Variants in CEP85L observed in about 807,000 individuals in gnomAD.
The protein encoded by CEP85L is centrosomal protein of 85 kDa-like.
A neutral mutation model predicts 100.3 loss-of-function variants in CEP85L; 60 were observed. That is an observed-to-expected ratio of 0.60 (90% CI 0.49 to 0.74). The LOEUF (loss-of-function observed/expected upper bound fraction) is 0.74. Among genes scored for constraint, CEP85L ranks in the 30% least tolerant of loss-of-function variants. The pLI is 0.00. For missense variants in CEP85L, 973 were observed against 936.2 expected, an observed-to-expected ratio of 1.04 and a Z score of -0.51; for synonymous variants, 319 against 322.7, an observed-to-expected ratio of 0.99 and a Z score of 0.12.
intron 3 of CEP85L, among the ~76,000 whole-genome samples, chr6:118,542,030 GAA>G (rs1777923662): frequency 6.6e-6 from 1 of 151,934 alleles, no homozygotes. Flanking sequence ...AGAACCAAGA[GAA>G]AAAAGAGAAT....
At chr6:118,615,039 A>C (rs891244532) in intron 2 of CEP85L, among the ~76,000 whole-genome samples, 2 of 152,358 alleles carry the variant, frequency 1.3e-5, no homozygotes, top group South Asian at 2.1e-4. Flanking sequence ...TTAAGTGTAA[A>C]TCTAACAACA....
intron 1 of CEP85L, among the ~76,000 whole-genome samples, chr6:118,647,391 C>T (rs888780697): frequency 6.6e-6 from 1 of 152,190 alleles, no homozygotes; most frequent in Non-Finnish European, 1.5e-5. Context: ...GACAGAGCCT[C>T]ACTCTGTTGC....
rs1781672559 is a variant in CEP85L, at chr6:118,600,298, G to GT, written c.232+32154_232+32155insA. ...TACTGCCTGTCCCTGAGCCTTCCTG[G>GT]GGGTGTGTGTGTGTGTGTGTGTGTG... On this transcript the variant is annotated intron_variant, in intron 2 of 12. Transcript: ENST00000368491. Among the ~76,000 whole-genome samples the GT allele has an allele frequency of 9.1e-3, 537 of 59,162 alleles. 78 individuals are homozygous for GT. Among genetic ancestry groups the GT allele is most frequent in the African/African-American group, 0.026 (444 of 17,386 alleles). 38.8% of individuals were successfully genotyped at this position (59,162 alleles called of 152,430 possible). A position where few individuals can be genotyped will look rare whatever the true frequency, so the allele number is the denominator to read the frequency against.
At chr6:118,599,421 G>A (rs1781610696) in intron 2 of CEP85L, among the ~76,000 whole-genome samples, 1 of 152,070 alleles carries the variant, frequency 6.6e-6, no homozygotes, top group South Asian at 2.1e-4. Flanking sequence ...AATTCACATA[G>A]TCTATACTGG....
intron 2 of CEP85L, among the ~76,000 whole-genome samples, chr6:118,623,753 C>T (rs746744344): frequency 2.6e-4 from 39 of 152,190 alleles, no homozygotes; most frequent in Non-Finnish European, 4.6e-4. Context: ...AATCAGGAAA[C>T]GGCCAATTTG....
chr6:118,560,784 T>C (rs980631647), intron 3 of CEP85L: 3 of 157,366 alleles, frequency 1.9e-5, no homozygotes, highest in Non-Finnish European at 4.4e-5. Flanking sequence ...ATAAAACAAC[T>C]GAAGTAAAAT....
intron 3 of CEP85L, among the ~76,000 whole-genome samples, chr6:118,541,418 A>C (rs779804631): frequency 6.6e-6 from 1 of 152,250 alleles, no homozygotes; most frequent in East Asian, 1.9e-4. Context: ...CAATGCTTAC[A>C]TATCAGGAAG....
intron 2 of CEP85L, among the ~76,000 whole-genome samples, chr6:118,592,374 T>C (rs2115127918): frequency 6.6e-6 from 1 of 151,290 alleles, no homozygotes; most frequent in Non-Finnish European, 1.5e-5. Context: ...GATAATTGTA[T>C]TTTACCTCAA....
chr6:118,654,556 G>A (rs1775710457), upstream of CEP85L, among the ~76,000 whole-genome samples: 1 of 152,150 alleles, frequency 6.6e-6, no homozygotes, highest in East Asian at 1.9e-4. Flanking sequence ...ACCTCTTCCA[G>A]ATCACAAAGG....
intron 3 of CEP85L, among the ~76,000 whole-genome samples, chr6:118,549,194 T>C (rs1389405184): frequency 6.6e-6 from 1 of 151,986 alleles, no homozygotes; most frequent in Non-Finnish European, 1.5e-5. Context: ...CACACAAATT[T>C]GATTAAATGG....
At chr6:118,547,433 TA>T (rs1203169894) in intron 3 of CEP85L, among the ~76,000 whole-genome samples, 1 of 152,090 alleles carries the variant, frequency 6.6e-6, no homozygotes, top group Admixed American at 6.5e-5. Context: ...ACATCAAACC[TA>T]TAAAGCCTCA....
At chr6:118,626,797 G>T (rs1432516208) in intron 2 of CEP85L, among the ~76,000 whole-genome samples, 1 of 152,188 alleles carries the variant, frequency 6.6e-6, no homozygotes, top group African/African-American at 2.4e-5. Context: ...AACCTTGGGT[G>T]TTACAAAAGG....
chr6:118,625,756 C>T (rs1773747058), intron 2 of CEP85L, among the ~76,000 whole-genome samples: 1 of 152,138 alleles, frequency 6.6e-6, no homozygotes, highest in African/African-American at 2.4e-5. Context: ...TATATTTAAC[C>T]AATGAGTACC....
At chr6:118,554,413 T>A (rs146154859) in intron 3 of CEP85L, among the ~76,000 whole-genome samples, 1 of 152,160 alleles carries the variant, frequency 6.6e-6, no homozygotes, top group African/African-American at 2.4e-5. Context: ...TTCCAAAGTG[T>A]TGGAATTATA....
chr6:118,496,125 T>C (rs2114634044), intron 5 of CEP85L, among the ~76,000 whole-genome samples: 1 of 152,318 alleles, frequency 6.6e-6, no homozygotes, highest in South Asian at 2.1e-4. Flanking sequence ...AGATGGTCAC[T>C]TCTGCATGTG....
Position 118,679,741 on chromosome 6 carries a change from A to C in CEP85L, c.-27-26933T>G, listed in dbSNP as rs573398393. Among the ~76,000 whole-genome samples, 13 of 152,318 alleles carry C rather than the reference A, an allele frequency of 8.5e-5. No homozygotes were observed. In the East Asian group the frequency reaches 2.5e-3, roughly 29 times the overall value. On this transcript the variant is annotated intron_variant, in intron 1 of 13. Transcript: ENST00000368488. ...TTTTTAAATAATGTGGTCACCAAAC[A>C]GAACAAGTGTTTGGGCCTGACATGG...
Position 118,565,586 on chromosome 6 carries a change from A to G in CEP85L, c.963T>C (p.Ala321=). Residue 321 remains alanine, a synonymous_variant, in exon 3 of 13, where the codon GCT becomes GCC. Coordinates refer to ENST00000368491, the MANE Select transcript of CEP85L (RefSeq NM_001042475.3). ...CTTCAATTTGCTGCTGTTGCCAAGG[A>G]GCTAAACTGTAAGAATCCTCTGTAT... ...GRNTEDSYSL[A]PWQQQQIEDF... The G allele has an allele frequency of 6.2e-7, 1 of 1,614,174 alleles. No homozygotes were observed. The highest frequency in any genetic ancestry group is 8.5e-7 in the Non-Finnish European group (1 of 1,180,016).
chr6:118,472,046 CA>C (rs895523723), intron 10 of CEP85L, among the ~76,000 whole-genome samples: 6 of 143,726 alleles, frequency 4.2e-5, no homozygotes, highest in African/African-American at 2.5e-5. Flanking sequence ...CACATTCTAA[CA>C]AAAAAAAAAC....
At chr6:118,489,213 G>A (rs1239017454) in intron 6 of CEP85L, among the ~76,000 whole-genome samples, 1 of 146,982 alleles carries the variant, frequency 6.8e-6, no homozygotes, top group Admixed American at 6.9e-5. Context: ...GTTGCAGTGA[G>A]CCAAGATCAC....
Sources: gnomAD v4.1 joint callset for allele counts (sites outside exome capture counted in the v4.1 genomes callset) on GRCh38, gnomAD v4.1.1 for gene constraint, MANE v1.5 for transcripts, NCBI Gene and HGNC (gene_info 2026-07-23, HGNC 2026-07-21) for gene names.